TMEM87A: variants seen among roughly 807,000 people sequenced by gnomAD.
TMEM87A encodes the protein Golgi-pH regulating cation channel.
Under a neutral mutation model 90.0 loss-of-function variants are expected in TMEM87A, and 50 were observed. The ratio of observed to expected loss-of-function variants is 0.56; its 90% confidence interval spans 0.44 to 0.70. TMEM87A has a LOEUF of 0.70. Ranked by LOEUF, TMEM87A falls within the 30% of genes least tolerant of loss-of-function variation. The probability of loss-of-function intolerance (pLI) is 0.00; values close to 1 mark genes in which losing one functional copy is unlikely to be tolerated. For missense variants in TMEM87A, 577 were observed against 660.5 expected, an observed-to-expected ratio of 0.87 and a Z score of 1.39; for synonymous variants, 226 against 226.7, an observed-to-expected ratio of 1.00 and a Z score of 0.03.
Position 42,246,558 on chromosome 15 carries a change from T to C in TMEM87A, c.505-2391A>G, listed in dbSNP as rs923432140. On this transcript the variant is annotated intron_variant, in intron 6 of 19. Coordinates refer to ENST00000389834, the MANE Select transcript of TMEM87A (RefSeq NM_015497.5). ...AGAACATGCAGTGTTTGGTTTTCTGTCCTCGAGAGTTTGCTCAGAATGATG... is the reference window on the plus strand; with the variant it reads ...AGAACATGCAGTGTTTGGTTTTCTGCCCTCGAGAGTTTGCTCAGAATGATG... Among the ~76,000 whole-genome samples the C allele has an allele frequency of 2.6e-5, 4 of 152,112 alleles. No homozygotes were observed. The South Asian group carries it at 6.2e-4, about 24-fold the overall frequency.
At chr15:42,236,226 A>G in intron 10 of TMEM87A, 94 bp downstream of exon 10, 1 of 1,029,030 alleles carries the variant, frequency 9.7e-7, no homozygotes, top group Non-Finnish European at 1.5e-6. Flanking sequence ...TCTTTTATCA[A>G]CTATTTCAGA....
At chr15:42,266,203 G>A (rs1400075294) in intron 3 of TMEM87A, among the ~76,000 whole-genome samples, 1 of 152,166 alleles carries the variant, frequency 6.6e-6, no homozygotes, top group Non-Finnish European at 1.5e-5. Context: ...CAAAAGTGTG[G>A]CCGTTGAACC....
chr15:42,245,043 A>G (rs2050946508), intron 6 of TMEM87A, among the ~76,000 whole-genome samples: 1 of 152,054 alleles, frequency 6.6e-6, no homozygotes, highest in Non-Finnish European at 1.5e-5. Flanking sequence ...CAACCAAGAA[A>G]AGGCTTAGTT....
intron 10 of TMEM87A, among the ~76,000 whole-genome samples, chr15:42,235,266 T>C (rs557239493): frequency 2.6e-5 from 4 of 152,362 alleles, no homozygotes; most frequent in African/African-American, 7.2e-5. Flanking sequence ...CTTGAACTCC[T>C]GACCTCAGGC....
At chr15:42,232,497 G>A (rs1298343262) in intron 11 of TMEM87A, among the ~76,000 whole-genome samples, 3 of 151,824 alleles carry the variant, frequency 2.0e-5, no homozygotes, top group African/African-American at 4.8e-5. Flanking sequence ...TTTTTGAGAC[G>A]GAGTCTTGCT....
chr15:42,222,836 AG>A (rs2050518256), intron 15 of TMEM87A, among the ~76,000 whole-genome samples: 1 of 152,220 alleles, frequency 6.6e-6, no homozygotes, highest in African/African-American at 2.4e-5. Flanking sequence ...CTGGGATTAC[AG>A]GCATGAGCCA....
At chr15:42,211,792 A>T (rs2050293020) in intron 19 of TMEM87A, 43 bp from the exon 20 acceptor site, 2 of 1,559,028 alleles carry the variant, frequency 1.3e-6, no homozygotes, top group Non-Finnish European at 1.8e-6. Context: ...GGTTAAAATG[A>T]TCTATATTCC....
intron 6 of TMEM87A, chr15:42,258,832 A>G: frequency 3.4e-6 from 5 of 1,480,510 alleles, no homozygotes; most frequent in Non-Finnish European, 4.5e-6. Flanking sequence ...TAGTGAGAAC[A>G]CTTTCAGAAT....
At chr15:42,219,543 G>T in intron 17 of TMEM87A, 38 bp downstream of exon 17, 1 of 1,511,676 alleles carries the variant, frequency 6.6e-7, no homozygotes, top group Admixed American at 1.9e-5. Flanking sequence ...TTGGAAGATG[G>T]GACAAAGAAC....
intron 8 of TMEM87A, among the ~76,000 whole-genome samples, chr15:42,239,448 G>A (rs189032353): frequency 6.6e-6 from 1 of 152,198 alleles, no homozygotes; most frequent in African/African-American, 2.4e-5. Flanking sequence ...ATTTCCACAG[G>A]TCACTGACCC....
chr15:42,233,163 A>G lies in TMEM87A; in HGVS notation c.1062+50T>C, dbSNP rs780791804. ...TTTCCAATCCACACTGTCAAGATGT[A>G]AACAATATAATTGAACTGACCACAG... is the stretch of plus-strand genomic sequence containing the variant. On this transcript the variant is annotated intron_variant, in intron 11 of 19. Coordinates refer to ENST00000389834, the MANE Select transcript of TMEM87A (RefSeq NM_015497.5). 3 of 1,479,098 alleles carry G rather than the reference A, an allele frequency of 2.0e-6. No homozygotes were observed. In the East Asian group the frequency reaches 6.8e-5, roughly 34 times the overall value. The allele number at this position is 1,479,098 out of a possible 1,614,324, so 91.6% of individuals were successfully genotyped here.
intron 3 of TMEM87A, among the ~76,000 whole-genome samples, chr15:42,266,766 T>C (rs549143116): frequency 1.8e-4 from 27 of 152,288 alleles, no homozygotes; most frequent in African/African-American, 6.5e-4. Flanking sequence ...TTTGAGTACC[T>C]GACTTTTTAA....
chr15:42,240,452 C>T (rs1424835839), intron 7 of TMEM87A, among the ~76,000 whole-genome samples: 2 of 152,158 alleles, frequency 1.3e-5, no homozygotes, highest in Admixed American at 1.3e-4. Flanking sequence ...TAGAATTGAA[C>T]TTCCCCAAAA....
chr15:42,273,170 T>G, intron 1 of TMEM87A, 85 bp downstream of exon 1: 1 of 1,548,670 alleles, frequency 6.5e-7, no homozygotes, highest in Non-Finnish European at 8.8e-7. Flanking sequence ...AAGAGACTTT[T>G]GCGGAACCTT....
At chr15:42,236,836 C>T (rs2050779692) in intron 9 of TMEM87A, among the ~76,000 whole-genome samples, 1 of 152,186 alleles carries the variant, frequency 6.6e-6, no homozygotes, top group Non-Finnish European at 1.5e-5. Flanking sequence ...CTACTATTTT[C>T]AAGACCTTTC....
chr15:42,217,993 C>A, intron 18 of TMEM87A, 160 bp from the exon 19 acceptor site: 1 of 683,860 alleles, frequency 1.5e-6, no homozygotes, highest in African/African-American at 1.8e-5. Flanking sequence ...ATACAATAAG[C>A]AACAGTTACA....
chr15:42,261,023 A>T (rs1230278314), intron 5 of TMEM87A, 21 bp from the exon 6 acceptor site: 2 of 1,584,162 alleles, frequency 1.3e-6, no homozygotes, highest in Non-Finnish European at 1.7e-6. Flanking sequence ...TAAAAAAATA[A>T]TAATAATTAA....
At chr15:42,267,437 C>A (rs1268932963) in intron 3 of TMEM87A, among the ~76,000 whole-genome samples, 2 of 152,120 alleles carry the variant, frequency 1.3e-5, no homozygotes, top group Non-Finnish European at 2.9e-5. Flanking sequence ...AATACCATTC[C>A]TTTTCCCAAC....
intron 2 of TMEM87A, among the ~76,000 whole-genome samples, chr15:42,268,823 G>T (rs563287250): frequency 5.9e-5 from 9 of 152,310 alleles, no homozygotes; most frequent in African/African-American, 1.9e-4. Context: ...AATTAGGAAT[G>T]CATGTCACAA....
Sources: gnomAD v4.1 joint callset for allele counts (sites outside exome capture counted in the v4.1 genomes callset) on GRCh38, gnomAD v4.1.1 for gene constraint, MANE v1.5 for transcripts, NCBI Gene and HGNC (gene_info 2026-07-23, HGNC 2026-07-21) for gene names.